VAV3: variants seen among roughly 807,000 people sequenced by gnomAD.
VAV3 encodes the protein vav guanine nucleotide exchange factor 3.
In VAV3, 94 loss-of-function variants were observed where a neutral mutation model predicts 131.2. The observed-to-expected ratio is 0.72, with a 90% CI of 0.61 to 0.85. The LOEUF (loss-of-function observed/expected upper bound fraction) is 0.85. Ranked by LOEUF, VAV3 falls within the 40% of genes least tolerant of loss-of-function variation. The pLI is 0.00. For missense variants in VAV3, 939 were observed against 1,002.7 expected (o/e 0.94, Z 0.86); for synonymous variants, 349 against 342.0 (o/e 1.02, Z -0.22).
At chr1:107,623,531 A>C (rs950390567) in intron 20 of VAV3, among the ~76,000 whole-genome samples, 14 of 152,222 alleles carry the variant, frequency 9.2e-5, no homozygotes, top group African/African-American at 3.1e-4. Context: ...CTGAACGGGA[A>C]CTATTATATT....
At chr1:107,702,673 T>C (rs1051035392) in intron 17 of VAV3, among the ~76,000 whole-genome samples, 1 of 152,128 alleles carries the variant, frequency 6.6e-6, no homozygotes, top group Non-Finnish European at 1.5e-5. Context: ...AGTTAAAAAA[T>C]TTTATGTCCT....
At chr1:107,679,383 C>T (rs1193983684) in intron 19 of VAV3, among the ~76,000 whole-genome samples, 2 of 152,098 alleles carry the variant, frequency 1.3e-5, no homozygotes, top group African/African-American at 4.8e-5. Context: ...TCACAAAGCA[C>T]AAGAATAACT....
At chr1:107,872,511 T>C (rs1266847905) in intron 2 of VAV3, among the ~76,000 whole-genome samples, 1 of 152,172 alleles carries the variant, frequency 6.6e-6, no homozygotes, top group Non-Finnish European at 1.5e-5. Flanking sequence ...AAAATGTATA[T>C]ATTCACGACA....
At chr1:107,955,882 T>C (rs1674785164) in intron 1 of VAV3, among the ~76,000 whole-genome samples, 1 of 152,216 alleles carries the variant, frequency 6.6e-6, no homozygotes, top group Non-Finnish European at 1.5e-5. Flanking sequence ...TCTGATCATC[T>C]GCCCTAGTAG....
rs1558062063 is a variant in VAV3 at position 107,578,662 on chromosome 1, G to A, written c.2351-4464C>T. 8.1e-6 allele frequency: 3 copies of A among 370,880 alleles called. No homozygotes were observed. In the South Asian group the frequency reaches 3.3e-4, roughly 41 times the overall value. The allele number at this position is 370,880 out of a possible 1,614,324, so 23.0% of individuals were successfully genotyped here. ...TTCGCTCTGTTGCCCAGTTTGGAGT[G>A]CAGTTACACGATCTCGGCTCACTGC... On this transcript the variant is annotated intron_variant, in intron 25 of 26. Transcript: ENST00000370056.
chr1:107,810,420 AAGTCCCTTTCC>A (rs1392692146), intron 2 of VAV3, among the ~76,000 whole-genome samples: 1 of 152,162 alleles, frequency 6.6e-6, no homozygotes, highest in Non-Finnish European at 1.5e-5. Flanking sequence ...GGAACTGAGC[AAGTCCCTTTCC>A]AGTCATACTT....
intron 19 of VAV3, among the ~76,000 whole-genome samples, chr1:107,673,341 C>T (rs890396722): frequency 6.6e-6 from 1 of 152,144 alleles, no homozygotes; most frequent in African/African-American, 2.4e-5. Context: ...CCTTGGTTTT[C>T]CTTCCATTCT....
At chr1:107,911,316 T>C (rs140589333) in intron 1 of VAV3, among the ~76,000 whole-genome samples, 36 of 152,354 alleles carry the variant, frequency 2.4e-4, no homozygotes, top group Non-Finnish European at 4.1e-4. Flanking sequence ...TTATGAGCTA[T>C]GTATAAAACA....
At chr1:107,821,650 C>T (rs765403163) in intron 2 of VAV3, among the ~76,000 whole-genome samples, 16 of 152,130 alleles carry the variant, frequency 1.1e-4, no homozygotes, top group Non-Finnish European at 1.8e-4. Flanking sequence ...TTGGAGGGGC[C>T]AGGACATGCA....
intron 1 of VAV3, among the ~76,000 whole-genome samples, chr1:107,878,805 T>TGGTA (rs2101029866): frequency 6.6e-6 from 1 of 152,280 alleles, no homozygotes; most frequent in South Asian, 2.1e-4. Context: ...GGTGAAGATG[T>TGGTA]GGTACCATGT....
Position 107,964,803 on chromosome 1 carries a change from C to T in VAV3, c.67G>A (p.Val23Met), listed in dbSNP as rs753012567. 2.9e-5 allele frequency: 46 copies of T among 1,613,874 alleles called. 1 individual carries two copies. In the East Asian group the frequency reaches 6.9e-4, roughly 24 times the overall value. The stretch of plus-strand genomic sequence containing the variant: ...AACACCTGAGCCGAGTCCCAGGTCA[C>T]CCGGTGGTTGGTGGGCAGCACCTTG... ...HCKVLPTNHR[V>M]TWDSAQVFDL... Residue 23 changes from valine to methionine, a missense_variant, in exon 1 of 27, where the codon GTG (valine) becomes ATG (methionine). Coordinates refer to ENST00000370056, the MANE Select transcript of VAV3 (RefSeq NM_006113.5).
At chr1:107,949,524 C>A (rs1274813114) in intron 1 of VAV3, among the ~76,000 whole-genome samples, 1 of 152,076 alleles carries the variant, frequency 6.6e-6, no homozygotes, top group Admixed American at 6.6e-5. Context: ...CAAGGCTGGT[C>A]TTCAATTCCT....
intron 1 of VAV3, among the ~76,000 whole-genome samples, chr1:107,920,306 C>T (rs904406790): frequency 6.6e-6 from 1 of 152,166 alleles, no homozygotes; most frequent in Non-Finnish European, 1.5e-5. Flanking sequence ...AGATAAAATG[C>T]ATAGGAGTTC....
intron 2 of VAV3, among the ~76,000 whole-genome samples, chr1:107,804,440 C>T (rs1485488994): frequency 6.6e-6 from 1 of 152,012 alleles, no homozygotes; most frequent in African/African-American, 2.4e-5. Flanking sequence ...ATGAGGCTTA[C>T]AAAAAAATCT....
intron 17 of VAV3, among the ~76,000 whole-genome samples, chr1:107,700,883 T>G (rs1660079139): frequency 6.6e-6 from 1 of 152,184 alleles, no homozygotes; most frequent in Non-Finnish European, 1.5e-5. Flanking sequence ...CACACTGTCT[T>G]CCACAATGGA....
At chr1:107,601,357 C>A (rs934263451) in intron 24 of VAV3, among the ~76,000 whole-genome samples, 3 of 152,156 alleles carry the variant, frequency 2.0e-5, no homozygotes, top group Non-Finnish European at 4.4e-5. Context: ...GCTTCAATTT[C>A]TTTAAAACAC....
intron 17 of VAV3, among the ~76,000 whole-genome samples, chr1:107,689,504 C>G (rs1659271846): frequency 6.6e-6 from 1 of 151,880 alleles, no homozygotes; most frequent in South Asian, 2.1e-4. Flanking sequence ...TTTCTTTTCT[C>G]TCTAGCTTTT....
intron 25 of VAV3, among the ~76,000 whole-genome samples, chr1:107,594,895 T>C (rs1347135405): frequency 1.3e-5 from 2 of 152,130 alleles, no homozygotes; most frequent in Admixed American, 6.6e-5. Context: ...TTCATCTAAC[T>C]GACCTCCCTG....
At chr1:107,866,904 C>A (rs946965641) in intron 2 of VAV3, among the ~76,000 whole-genome samples, 2 of 148,408 alleles carry the variant, frequency 1.3e-5, no homozygotes, top group Non-Finnish European at 3.0e-5. Context: ...AGAAACATTA[C>A]CAAAATAGAA....
Sources: allele counts gnomAD v4.1 joint callset (sites outside exome capture counted in the v4.1 genomes callset), GRCh38; gene constraint gnomAD v4.1.1; transcripts MANE v1.5; gene names NCBI Gene and HGNC (gene_info 2026-07-23, HGNC 2026-07-21).